Variants in OGA observed in about 807,000 individuals in gnomAD.
The protein encoded by OGA is protein O-GlcNAcase.
A neutral mutation model predicts 102.0 loss-of-function variants in OGA; 21 were observed. That is an observed-to-expected ratio of 0.21 (90% CI 0.15 to 0.30). The LOEUF is 0.30. OGA is among the 10% of genes least tolerant of loss of function. OGA has a pLI of 1.00. For synonymous variants in OGA, 408 were observed against 378.2 expected, an observed-to-expected ratio of 1.08 and a Z score of -0.91; for missense variants, 765 against 1,107.8, an observed-to-expected ratio of 0.69 and a Z score of 4.39.
intron 10 of OGA, among the ~76,000 whole-genome samples, chr10:101,794,594 G>A (rs1174777101): frequency 6.6e-6 from 1 of 152,190 alleles, no homozygotes; most frequent in South Asian, 2.1e-4. Flanking sequence ...AATAATACCA[G>A]TCTGACAGAT....
chr10:101,796,784 A>G (rs1198404253), intron 10 of OGA, among the ~76,000 whole-genome samples: 5 of 151,866 alleles, frequency 3.3e-5, no homozygotes, highest in African/African-American at 1.2e-4. Context: ...TGCTGGTCTC[A>G]TGCTGGTTTT....
intron 9 of OGA, 34 bp downstream of exon 9, chr10:101,798,808 A>T: frequency 6.3e-6 from 10 of 1,585,120 alleles, no homozygotes; most frequent in Non-Finnish European, 8.6e-6. Context: ...GGAACCACCC[A>T]GGCTTCAGCA....
intron 14 of OGA, among the ~76,000 whole-genome samples, chr10:101,789,128 G>A (rs1192168056): frequency 6.6e-6 from 1 of 152,178 alleles, no homozygotes; most frequent in Non-Finnish European, 1.5e-5. Context: ...TCCCAAGTAA[G>A]CGAGGCAACA....
chr10:101,790,855 A>G, intron 14 of OGA, 41 bp downstream of exon 14: 2 of 1,350,574 alleles, frequency 1.5e-6, no homozygotes, highest in Non-Finnish European at 2.0e-6. Context: ...AATAAATAAA[A>G]AAGACCATTA....
chr10:101,809,989 T>C (rs995187213), intron 4 of OGA, among the ~76,000 whole-genome samples, 195 bp downstream of exon 4: 3 of 152,084 alleles, frequency 2.0e-5, no homozygotes, highest in Admixed American at 2.0e-4. Flanking sequence ...GAGGTTGCAG[T>C]GAGCCGAGAT....
intron 1 of OGA, among the ~76,000 whole-genome samples, chr10:101,815,962 AG>A (rs372256536): frequency 0.58 from 38,564 of 66,758 alleles, 16,236 homozygotes; most frequent in African/African-American, 0.66. Flanking sequence ...TCAAAAAGAG[AG>A]AAAAAAAAAA....
rs767161554 is a variant in OGA, at chr10:101,799,115, T to C, written c.1536A>G (p.Pro512=). Residue 512 remains proline, a synonymous_variant, in exon 9 of 16, where the codon CCA becomes CCG. Coordinates refer to ENST00000361464, the MANE Select transcript of OGA (RefSeq NM_012215.5). Reference sequence around the variant, plus strand: ...TACAATCTTCTTGCATGGACATCTCTGGGGATTTTGATTCAGCTATGCTCT... The same window carrying C: ...TACAATCTTCTTGCATGGACATCTCCGGGGATTTTGATTCAGCTATGCTCT... ...DKESIAESKS[P]EMSMQEDCIS... 6.2e-7 allele frequency: 1 copy of C among 1,614,242 alleles called. No homozygotes were observed. The highest frequency in any genetic ancestry group is 8.5e-7 in the Non-Finnish European group (1 of 1,180,046).
intron 10 of OGA, chr10:101,796,028 C>T (rs1341448926): frequency 4.7e-6 from 2 of 423,326 alleles, no homozygotes; most frequent in Non-Finnish European, 6.3e-6. Context: ...TTTAATAATT[C>T]TTAAATTAAA....
At chr10:101,802,950 C>T (rs1300588895) in intron 7 of OGA, among the ~76,000 whole-genome samples, 6 of 142,228 alleles carry the variant, frequency 4.2e-5, no homozygotes, top group Non-Finnish European at 6.0e-5. Context: ...ACCAGTCTGG[C>T]CAAGATGGTG....
chr10:101,803,690 C>T, intron 7 of OGA, 45 bp downstream of exon 7: 2 of 1,551,350 alleles, frequency 1.3e-6, no homozygotes, highest in Non-Finnish European at 8.8e-7. Context: ...TCTAGTTAAC[C>T]CCAGCTCTCC....
At chr10:101,815,532 C>G (rs531912052) in intron 1 of OGA, among the ~76,000 whole-genome samples, 1 of 152,164 alleles carries the variant, frequency 6.6e-6, no homozygotes, top group Non-Finnish European at 1.5e-5. Flanking sequence ...GATCCGCCCG[C>G]CTCGGCCTCC....
chr10:101,785,450 C>T lies in OGA; in HGVS notation c.*1001G>A, dbSNP rs1366553503. On this transcript the variant is annotated 3_prime_UTR_variant, in exon 16 of 16. Coordinates refer to ENST00000361464, the MANE Select transcript of OGA (RefSeq NM_012215.5). ...CAATCAGTCCCTGAACCCTACCTGA[C>T]ATGTCAAATCCAACATTTCACATGC... 2.0e-5 allele frequency: 3 copies of T among 152,638 alleles called. No homozygotes were observed. Among genetic ancestry groups the T allele is most frequent in the African/African-American group, 7.2e-5 (3 of 41,472 alleles). 9.5% of individuals were successfully genotyped at this position (152,638 alleles called of 1,614,324 possible).
At chr10:101,802,647 C>A (rs1284363144) in intron 7 of OGA, among the ~76,000 whole-genome samples, 2 of 149,074 alleles carry the variant, frequency 1.3e-5, no homozygotes, top group South Asian at 2.2e-4. Flanking sequence ...CCAGCCTGGG[C>A]AACAAGAGCA....
rs1333495159 is a variant in OGA, at chr10:101,785,623, AAAC to A, written c.*825_*827del. The A allele has an allele frequency of 3.3e-5, 5 of 152,608 alleles. No homozygotes were observed. Among genetic ancestry groups the A allele is most frequent in the Non-Finnish European group, 5.9e-5 (4 of 68,042 alleles). 9.5% of individuals were successfully genotyped at this position (152,608 alleles called of 1,614,324 possible). ...AATAATAAAACTTCAAAAAGAACAA[AAAC>A]AACCCCAAACCCAAAGACAAAAGTA... On this transcript the variant is annotated 3_prime_UTR_variant, in exon 16 of 16. Coordinates refer to ENST00000361464, the MANE Select transcript of OGA (RefSeq NM_012215.5).
In OGA at chr10:101,801,161, C is replaced by T. The variant is rs550096198; in HGVS notation, c.1037-761G>A. Among the ~76,000 whole-genome samples, 4 of 152,004 alleles carry T rather than the reference C, an allele frequency of 2.6e-5. No homozygotes were observed. The East Asian group carries it at 5.9e-4, about 22-fold the overall frequency. ...ATCTCAGCACTTTGGGAGGCTGAGG[C>T]GGGCAAATCACCTGAGGTCTGCAGT... On this transcript the variant is annotated intron_variant, in intron 7 of 15. Transcript: ENST00000361464.
intron 7 of OGA, among the ~76,000 whole-genome samples, chr10:101,802,676 A>G (rs1028117518): frequency 2.1e-5 from 3 of 145,756 alleles, no homozygotes; most frequent in Non-Finnish European, 3.0e-5. Context: ...TCTCAAAAAG[A>G]AAAAAAAAAA....
At chr10:101,813,977 T>C (rs576695309) in intron 1 of OGA, among the ~76,000 whole-genome samples, 342 of 152,166 alleles carry the variant, frequency 2.2e-3, no homozygotes, top group Middle Eastern at 6.8e-3. Context: ...AGCAATGTAA[T>C]ACAAGCTGCC....
rs568467028 is a variant in OGA, at chr10:101,811,367, C to T, written c.350-1053G>A. Among the ~76,000 whole-genome samples the T allele has an allele frequency of 2.3e-5, 3 of 128,828 alleles. No homozygotes were observed. The East Asian group carries it at 6.6e-4, about 28-fold the overall frequency. The allele number at this position is 128,828 out of a possible 152,430, so 84.5% of individuals were successfully genotyped here. On this transcript the variant is annotated intron_variant, in intron 3 of 15. Coordinates refer to ENST00000361464, the MANE Select transcript of OGA (RefSeq NM_012215.5). ...TCGCACCACTGCACCCCAGTCTGGA[C>T]GACACAGCAAGACTCCATCTCAAAA...
chr10:101,787,096 G>C (rs935428940), intron 15 of OGA, among the ~76,000 whole-genome samples: 6 of 150,040 alleles, frequency 4.0e-5, no homozygotes, highest in Non-Finnish European at 7.4e-5. Context: ...TGCTCAGGCT[G>C]GTCTCAAACT....
Sources: allele counts gnomAD v4.1 joint callset (sites outside exome capture counted in the v4.1 genomes callset), GRCh38; gene constraint gnomAD v4.1.1; transcripts MANE v1.5; gene names NCBI Gene and HGNC (gene_info 2026-07-23, HGNC 2026-07-21).